Variants in SHISA9 observed in about 807,000 individuals in gnomAD.
The protein encoded by SHISA9 is shisa family member 9, also known as protein shisa-9.
A neutral mutation model predicts 38.0 loss-of-function variants in SHISA9; 13 were observed. That is an observed-to-expected ratio of 0.34 (90% CI 0.22 to 0.54). The LOEUF is 0.54. Ranked by LOEUF, SHISA9 falls within the 20% of genes least tolerant of loss-of-function variation. The probability of loss-of-function intolerance (pLI) is 0.91; values close to 1 mark genes in which losing one functional copy is unlikely to be tolerated. For missense variants in SHISA9, 538 were observed against 575.8 expected (o/e 0.93, Z 0.67); for synonymous variants, 275 against 242.0 (o/e 1.14, Z -1.27).
At chr16:13,064,742 T>G (rs2073414094) in intron 2 of SHISA9, among the ~76,000 whole-genome samples, 1 of 150,434 alleles carries the variant, frequency 6.6e-6, no homozygotes, top group Admixed American at 6.6e-5. Flanking sequence ...TGAACATGTA[T>G]TACCTTTATC....
intron 2 of SHISA9, among the ~76,000 whole-genome samples, chr16:12,986,484 A>T (rs2072311346): frequency 6.6e-6 from 1 of 152,130 alleles, no homozygotes; most frequent in Non-Finnish European, 1.5e-5. Context: ...GTCCATCTTG[A>T]TTCTCAAGAA....
At chr16:13,171,106 G>A (rs2050681983) in intron 2 of SHISA9, among the ~76,000 whole-genome samples, 1 of 152,180 alleles carries the variant, frequency 6.6e-6, no homozygotes, top group Non-Finnish European at 1.5e-5. Context: ...AAAATTGAAG[G>A]GGAAGCAGGC....
intron 2 of SHISA9, among the ~76,000 whole-genome samples, chr16:12,932,811 C>T (rs903471969): frequency 1.3e-5 from 2 of 152,188 alleles, no homozygotes; most frequent in East Asian, 3.9e-4. Flanking sequence ...CATGTCGTGG[C>T]TCCCTGCAGT....
At chr16:13,452,282 GT>G in the SHISA9 span, among the ~76,000 whole-genome samples, 1 of 152,190 alleles carries the variant, frequency 6.6e-6, no homozygotes, top group Non-Finnish European at 1.5e-5. Context: ...CATGAATTAA[GT>G]AAATCATTTC....
chr16:13,263,854 T>C, the SHISA9 span, among the ~76,000 whole-genome samples: 1 of 152,206 alleles, frequency 6.6e-6, no homozygotes, highest in Non-Finnish European at 1.5e-5. Context: ...TAGAAACTTC[T>C]TGTGATTCTA....
chr16:13,232,714 A>G (rs1251807676), intron 4 of SHISA9, among the ~76,000 whole-genome samples: 2 of 152,218 alleles, frequency 1.3e-5, no homozygotes, highest in Non-Finnish European at 2.9e-5. Context: ...GGGAGCTTCA[A>G]GGCTATAGGT....
chr16:13,004,962 A>ATAAAGAAAGAAAGAAAAGAAAAG (rs112467502), intron 2 of SHISA9, among the ~76,000 whole-genome samples: 3 of 127,656 alleles, frequency 2.4e-5, no homozygotes, highest in Non-Finnish European at 3.1e-5. Flanking sequence ...AAAAAAAGAA[A>ATAAAGAAAGAAAGAAAAGAAAAG]AAAAGAAAGA....
chr16:13,554,736 C>A, the SHISA9 span, among the ~76,000 whole-genome samples: 3 of 152,314 alleles, frequency 2.0e-5, no homozygotes, highest in South Asian at 6.2e-4. Flanking sequence ...AGGTGATCCA[C>A]CTGCTTCGGC....
At chr16:13,100,054 C>A (rs761762615) in intron 2 of SHISA9, among the ~76,000 whole-genome samples, 1 of 152,192 alleles carries the variant, frequency 6.6e-6, no homozygotes, top group African/African-American at 2.4e-5. Context: ...GGACACACGG[C>A]CCTTTCAGGA....
intron 2 of SHISA9, among the ~76,000 whole-genome samples, chr16:13,172,970 C>T (rs954458725): frequency 2.0e-5 from 3 of 151,930 alleles, no homozygotes; most frequent in Non-Finnish European, 4.4e-5. Flanking sequence ...TTGTGATTGC[C>T]GTGTGCTCCC....
At chr16:13,025,506 C>G (rs1374277888) in intron 2 of SHISA9, among the ~76,000 whole-genome samples, 1 of 152,198 alleles carries the variant, frequency 6.6e-6, no homozygotes, top group African/African-American at 2.4e-5. Flanking sequence ...ATGCCTCTGT[C>G]CCACCTCTAG....
chr16:12,907,126 T>G (rs2071109184), intron 1 of SHISA9, among the ~76,000 whole-genome samples: 1 of 65,702 alleles, frequency 1.5e-5, no homozygotes, highest in Non-Finnish European at 4.4e-5. Context: ...TCTTCCTTTC[T>G]TCTTTTCTTC....
intron 2 of SHISA9, among the ~76,000 whole-genome samples, chr16:13,136,572 G>A (rs1289834943): frequency 6.6e-6 from 1 of 151,684 alleles, no homozygotes; most frequent in Non-Finnish European, 1.5e-5. Flanking sequence ...CTGATTTTTT[G>A]TGTTTTTAGT....
chr16:13,249,587 A>C, the SHISA9 span, among the ~76,000 whole-genome samples: 2 of 152,206 alleles, frequency 1.3e-5, no homozygotes, highest in Admixed American at 1.3e-4. Flanking sequence ...GGAGGCAGAC[A>C]CATAAATTAC....
chr16:13,102,181 C>G (rs150298592), intron 2 of SHISA9, among the ~76,000 whole-genome samples: 1 of 152,288 alleles, frequency 6.6e-6, no homozygotes, highest in African/African-American at 2.4e-5. Context: ...CTACGAGAAC[C>G]GACATGCTCA....
At chr16:13,486,249 C>T in the SHISA9 span, among the ~76,000 whole-genome samples, 1 of 152,124 alleles carries the variant, frequency 6.6e-6, no homozygotes, top group Non-Finnish European at 1.5e-5. Flanking sequence ...ATGGTGAAAG[C>T]TAGACTGGGT....
At chr16:13,434,478 C>T in the SHISA9 span, among the ~76,000 whole-genome samples, 2 of 140,726 alleles carry the variant, frequency 1.4e-5, no homozygotes, top group African/African-American at 5.3e-5. Context: ...AGTGCAGTGG[C>T]GCGATCTCGG....
chr16:13,165,863 A>G (rs1393821217), intron 2 of SHISA9, among the ~76,000 whole-genome samples: 1 of 152,208 alleles, frequency 6.6e-6, no homozygotes, highest in Admixed American at 6.5e-5. Flanking sequence ...ATGTCAACAG[A>G]TCTCTATAAA....
chr16:13,469,324 A>AGAGAGAGAG, the SHISA9 span, among the ~76,000 whole-genome samples: 1 of 81,346 alleles, frequency 1.2e-5, no homozygotes, highest in African/African-American at 5.4e-5. Flanking sequence ...GAGAGAGAGA[A>AGAGAGAGAG]AGAAAGAAAG....
Sources: gnomAD v4.1 joint callset for allele counts (sites outside exome capture counted in the v4.1 genomes callset) on GRCh38, gnomAD v4.1.1 for gene constraint, MANE v1.5 for transcripts, NCBI Gene and HGNC (gene_info 2026-07-23, HGNC 2026-07-21) for gene names.